Variants in RGS7 observed in about 807,000 individuals in gnomAD.
RGS7 encodes regulator of G protein signaling 7, also known as regulator of G-protein signaling 7.
In RGS7, 27 loss-of-function variants were observed where a neutral mutation model predicts 81.1. The ratio of observed to expected loss-of-function variants is 0.33; its 90% confidence interval spans 0.25 to 0.46. The LOEUF is 0.46. RGS7 is among the 20% of genes least tolerant of loss of function. The probability of loss-of-function intolerance (pLI) is 1.00; values close to 1 mark genes in which losing one functional copy is unlikely to be tolerated. For synonymous variants in RGS7, 208 were observed against 207.7 expected (o/e 1.00, Z -0.01); for missense variants, 396 against 607.4 (o/e 0.65, Z 3.66).
At chr1:241,168,326 GAA>G (rs2070434684) in intron 2 of RGS7, among the ~76,000 whole-genome samples, 1 of 152,022 alleles carries the variant, frequency 6.6e-6, no homozygotes, top group African/African-American at 2.4e-5. Context: ...AGATTGAAGA[GAA>G]AAATAAAATA....
In RGS7 at chr1:241,248,883, G is replaced by A. The variant is rs752597904; in HGVS notation, c.78+106816C>T. Among the ~76,000 whole-genome samples the A allele has an allele frequency of 5.3e-5, 8 of 152,230 alleles. No homozygotes were observed. The Middle Eastern group carries it at 0.01, about 194-fold the overall frequency. On this transcript the variant is annotated intron_variant, in intron 2 of 18. Coordinates refer to ENST00000440928, the MANE Select transcript of RGS7 (RefSeq NM_001364886.1). ...ACAAGGCTCAAGCTTATCATTCGACGAACTTGCTACCAGTATTTCTTGGTT... is the reference window on the plus strand; with the variant it reads ...ACAAGGCTCAAGCTTATCATTCGACAAACTTGCTACCAGTATTTCTTGGTT...
At chr1:241,039,876 A>G (rs1332833389) in intron 3 of RGS7, among the ~76,000 whole-genome samples, 1 of 152,184 alleles carries the variant, frequency 6.6e-6, no homozygotes, top group Non-Finnish European at 1.5e-5. Flanking sequence ...CCGCTTTGGA[A>G]ATTACATGTT....
chr1:241,048,500 G>A (rs911536200), intron 3 of RGS7, among the ~76,000 whole-genome samples: 2 of 152,102 alleles, frequency 1.3e-5, no homozygotes, highest in African/African-American at 4.8e-5. Context: ...ACAGGCCATG[G>A]TGTCACTGTG....
chr1:240,777,524 A>G (rs553856413), intron 18 of RGS7, among the ~76,000 whole-genome samples: 7 of 152,338 alleles, frequency 4.6e-5, no homozygotes, highest in African/African-American at 1.4e-4. Context: ...GAAAGGGGTC[A>G]GCGGTGATGG....
intron 2 of RGS7, among the ~76,000 whole-genome samples, chr1:241,282,117 G>A (rs1018616216): frequency 6.6e-6 from 1 of 152,214 alleles, no homozygotes; most frequent in Non-Finnish European, 1.5e-5. Flanking sequence ...TACCCTGTAA[G>A]TAGGTTTTCA....
At chr1:241,302,272 G>A (rs571025959) in intron 2 of RGS7, among the ~76,000 whole-genome samples, 19 of 152,134 alleles carry the variant, frequency 1.2e-4, no homozygotes, top group Non-Finnish European at 2.1e-4. Context: ...TCGGCCGGCC[G>A]GGCGCGGTGG....
intron 9 of RGS7, among the ~76,000 whole-genome samples, chr1:240,848,177 G>A (rs957396126): frequency 2.0e-5 from 3 of 152,246 alleles, no homozygotes; most frequent in Non-Finnish European, 4.4e-5. Flanking sequence ...GAATTGAATG[G>A]AGAAAGAGAT....
intron 3 of RGS7, among the ~76,000 whole-genome samples, chr1:241,077,550 G>A (rs1347905973): frequency 6.6e-6 from 1 of 152,144 alleles, no homozygotes; most frequent in Non-Finnish European, 1.5e-5. Flanking sequence ...AAGGGATCGT[G>A]GTCCAGTGTA....
chr1:241,288,942 C>A lies in RGS7; in HGVS notation c.78+66757G>T, dbSNP rs2078957872. Among the ~76,000 whole-genome samples, 6 of 149,160 alleles carry A rather than the reference C, an allele frequency of 4.0e-5. No individual in the cohort carries two copies. In the South Asian group the frequency reaches 7.0e-4, roughly 17 times the overall value. Reference sequence around the variant, plus strand: ...TCACAAGGATCCCTCCCAGTGACCACATTTTCTGACATCAGCCTAAACCAA... The same window carrying A: ...TCACAAGGATCCCTCCCAGTGACCAAATTTTCTGACATCAGCCTAAACCAA... On this transcript the variant is annotated intron_variant, in intron 2 of 18. Transcript: ENST00000440928.
At chr1:240,860,213 T>C (rs1229946437) in intron 9 of RGS7, among the ~76,000 whole-genome samples, 1 of 152,186 alleles carries the variant, frequency 6.6e-6, no homozygotes, top group East Asian at 1.9e-4. Context: ...TTAGATCCAG[T>C]TGATTGACGG....
intron 9 of RGS7, among the ~76,000 whole-genome samples, chr1:240,834,799 C>T (rs1694433878): frequency 6.6e-6 from 1 of 152,126 alleles, no homozygotes; most frequent in East Asian, 1.9e-4. Flanking sequence ...GCTTGAGCCA[C>T]CGCGCCCAGC....
chr1:240,914,365 C>T (rs1672252156), intron 6 of RGS7, among the ~76,000 whole-genome samples: 2 of 152,084 alleles, frequency 1.3e-5, no homozygotes, highest in African/African-American at 4.8e-5. Flanking sequence ...ATTGAGAGTG[C>T]CAGGTTTCTC....
intron 4 of RGS7, among the ~76,000 whole-genome samples, chr1:240,956,670 A>G (rs1680484961): frequency 6.6e-6 from 1 of 152,176 alleles, no homozygotes; most frequent in African/African-American, 2.4e-5. Flanking sequence ...ACTTAAATGT[A>G]TATTATTAAC....
At chr1:241,269,374 A>G (rs935604726) in intron 2 of RGS7, among the ~76,000 whole-genome samples, 1 of 152,214 alleles carries the variant, frequency 6.6e-6, no homozygotes, top group Non-Finnish European at 1.5e-5. Flanking sequence ...ATAAACCTGG[A>G]AGAGCACTGG....
chr1:241,017,250 T>C (rs1458490691), intron 3 of RGS7, among the ~76,000 whole-genome samples: 1 of 152,144 alleles, frequency 6.6e-6, no homozygotes, highest in Non-Finnish European at 1.5e-5. Context: ...GAGACCAGCC[T>C]GGTCAACACG....
intron 6 of RGS7, among the ~76,000 whole-genome samples, chr1:240,915,018 G>T (rs954162673): frequency 1.3e-5 from 2 of 152,180 alleles, no homozygotes; most frequent in African/African-American, 2.4e-5. Context: ...CAGTTTTAAG[G>T]GGGCTACCAC....
At chr1:241,216,491 C>A (rs1315951449) in intron 2 of RGS7, among the ~76,000 whole-genome samples, 1 of 152,112 alleles carries the variant, frequency 6.6e-6, no homozygotes, top group Non-Finnish European at 1.5e-5. Flanking sequence ...TACTCAACAC[C>A]AGTTATATTT....
At chr1:241,074,486 G>T (rs773301540) in intron 3 of RGS7, among the ~76,000 whole-genome samples, 1 of 152,198 alleles carries the variant, frequency 6.6e-6, no homozygotes, top group Non-Finnish European at 1.5e-5. Flanking sequence ...TAGCTGCAAA[G>T]CTTCAGGTAC....
chr1:240,801,624 A>G, intron 16 of RGS7, 116 bp from the exon 17 acceptor site: 1 of 773,254 alleles, frequency 1.3e-6, no homozygotes, highest in Non-Finnish European at 2.2e-6. Flanking sequence ...GCAACACCAA[A>G]TCCATGTTCT....
Sources: gnomAD v4.1 joint callset for allele counts (sites outside exome capture counted in the v4.1 genomes callset) on GRCh38, gnomAD v4.1.1 for gene constraint, MANE v1.5 for transcripts, NCBI Gene and HGNC (gene_info 2026-07-23, HGNC 2026-07-21) for gene names.